The following PEX13 variants were observed in gnomAD, a reference collection of about 807,000 sequenced individuals.
PEX13 encodes peroxisomal biogenesis factor 13, also known as peroxisome biogenesis factor 13.
In PEX13, 28 loss-of-function variants were observed where a neutral mutation model predicts 34.5. The observed-to-expected ratio is 0.81, with a 90% CI of 0.60 to 1.11. PEX13 has a LOEUF of 1.11. Ranked by LOEUF, PEX13 falls within the 50% of genes most tolerant of loss-of-function variation. The pLI is 0.00. For synonymous variants in PEX13, 177 were observed against 175.1 expected, an observed-to-expected ratio of 1.01 and a Z score of -0.09; for missense variants, 550 against 491.0, an observed-to-expected ratio of 1.12 and a Z score of -1.13.
In PEX13 at chr2:61,017,808, A is replaced by G; in HGVS notation, c.49A>G (p.Ile17Val). ...PPPKPWETRR[I>V]PGAGPGPGPG... ...CCCCAAACCCTGGGAGACCCGCCGAATTCCGGGAGCCGGACCGGGACCAGG... is the reference window on the plus strand; with the variant it reads ...CCCCAAACCCTGGGAGACCCGCCGAGTTCCGGGAGCCGGACCGGGACCAGG... The change falls in exon 1 of 4, where the codon ATT becomes GTT. Residue 17 changes from isoleucine (I) to valine (V), a missense_variant. Physicochemically the swap from Ile to Val is conservative, Grantham distance 29. Transcript: ENST00000295030. The G allele has an allele frequency of 6.4e-7, 1 of 1,550,594 alleles. No individual in the cohort carries two copies. The highest frequency in any genetic ancestry group is 1.2e-5 in the South Asian group (1 of 84,014).
chr2:61,021,833 G>T (rs1680269740), intron 1 of PEX13, among the ~76,000 whole-genome samples: 1 of 152,194 alleles, frequency 6.6e-6, no homozygotes, highest in Non-Finnish European at 1.5e-5. Flanking sequence ...GGAAGGATCA[G>T]GCAGCAATAT....
At position 61,031,729 on chromosome 2, in the gene PEX13, A is replaced by T. The variant is rs1357787046; in HGVS notation, c.403A>T (p.Ser135Cys). 2 of 1,614,096 alleles carry T rather than the reference A, an allele frequency of 1.2e-6. No homozygotes were observed. The highest frequency in any genetic ancestry group is 2.7e-5 in the African/African-American group (2 of 74,926). The change falls in exon 2 of 4, where the codon AGT becomes TGT. Residue 135 changes from serine to cysteine, a missense_variant. Transcript: ENST00000295030. Reference protein sequence around the residue: ...SSRGAFQSIESIVHAFASVSM... With the variant: ...SSRGAFQSIECIVHAFASVSM... ...CAGGGGTGCATTTCAGTCCATTGAA[A>T]GTATTGTGCATGCATTTGCCTCTGT... is the stretch of plus-strand genomic sequence containing the variant.
intron 1 of PEX13, among the ~76,000 whole-genome samples, chr2:61,020,060 A>G (rs983821130): frequency 6.6e-6 from 1 of 152,166 alleles, no homozygotes; most frequent in Non-Finnish European, 1.5e-5. Context: ...CGTCTCTACT[A>G]AAAATACAAA....
intron 2 of PEX13, among the ~76,000 whole-genome samples, chr2:61,044,773 C>A (rs778144792): frequency 2.0e-5 from 3 of 152,192 alleles, no homozygotes; most frequent in Non-Finnish European, 4.4e-5. Flanking sequence ...TTGACAACAC[C>A]TAATACAGTT....
In PEX13 at chr2:61,051,394, C is replaced by G. The variant is rs1170129333; in HGVS notation, c.*2624C>G. On this transcript the variant is annotated 3_prime_UTR_variant, in exon 4 of 4. Transcript: ENST00000295030. ...TTAAAGATGTATAGGGAGAAGAGTACAGCACAAAGTGATAAAATAGTGACA... is the reference window on the plus strand; with the variant it reads ...TTAAAGATGTATAGGGAGAAGAGTAGAGCACAAAGTGATAAAATAGTGACA... 6.6e-6 allele frequency: 1 copy of G among 152,278 alleles called. No homozygotes were observed. The highest frequency in any genetic ancestry group is 2.4e-5 in the African/African-American group (1 of 41,438). The allele number at this position is 152,278 out of a possible 1,614,324, so 9.4% of individuals were successfully genotyped here.
At chr2:61,047,688 A>G (rs1373421687) in intron 3 of PEX13, among the ~76,000 whole-genome samples, 1 of 152,196 alleles carries the variant, frequency 6.6e-6, no homozygotes, top group East Asian at 1.9e-4. Context: ...TGCTCAAGAA[A>G]AGTATGTTTG....
chr2:61,035,426 C>T (rs895207287), intron 2 of PEX13, among the ~76,000 whole-genome samples: 4 of 152,148 alleles, frequency 2.6e-5, no homozygotes, highest in Admixed American at 2.6e-4. Context: ...TCCAAAGGAT[C>T]GCAGCTGCTC....
At chr2:61,034,320 C>G (rs1275074990) in intron 2 of PEX13, among the ~76,000 whole-genome samples, 1 of 152,134 alleles carries the variant, frequency 6.6e-6, no homozygotes, top group Non-Finnish European at 1.5e-5. Context: ...AAAAGAATAC[C>G]TTTTTGCGGG....
chr2:61,021,423 C>T (rs1469804231), intron 1 of PEX13, among the ~76,000 whole-genome samples: 1 of 152,186 alleles, frequency 6.6e-6, no homozygotes, highest in Non-Finnish European at 1.5e-5. Context: ...AGTGCTAGCA[C>T]AGCAGTCTGA....
rs748038698 is a variant in PEX13 at position 61,048,592 on chromosome 2, C to A, written c.1034C>A (p.Ser345Ter). The A allele has an allele frequency of 1.9e-6, 3 of 1,614,100 alleles. No homozygotes were observed. The South Asian group carries it at 3.3e-5, about 18-fold the overall frequency. Residue 345 changes from serine to a stop codon, truncating the protein, a stop_gained, in exon 4 of 4, where the codon TCA becomes TAA. Transcript: ENST00000295030. LOFTEE classifies it high-confidence loss of function. Reference protein sequence around the residue: ...GKRKGRKTVESSKVSKQQQSF... With the variant: ...GKRKGRKTVE ...AGAAAAGGTAGGAAAACGGTGGAATCAAGTAAAGTTTCCAAGCAGCAACAA... is the reference window on the plus strand; with the variant it reads ...AGAAAAGGTAGGAAAACGGTGGAATAAAGTAAAGTTTCCAAGCAGCAACAA...
chr2:61,025,000 TA>T (rs1680328010), intron 1 of PEX13, among the ~76,000 whole-genome samples: 1 of 152,214 alleles, frequency 6.6e-6, no homozygotes, highest in Non-Finnish European at 1.5e-5. Context: ...TTCTGCCTAA[TA>T]AGTCTATAAT....
At chr2:61,036,735 A>G (rs892482064) in intron 2 of PEX13, among the ~76,000 whole-genome samples, 2 of 152,228 alleles carry the variant, frequency 1.3e-5, no homozygotes, top group African/African-American at 4.8e-5. Flanking sequence ...CAAAATAACC[A>G]GTTAACATCA....
rs150248063 is a variant in PEX13 at position 61,021,042 on chromosome 2, C to A, written c.92+3191C>A. On this transcript the variant is annotated intron_variant, in intron 1 of 3. Coordinates refer to ENST00000295030, the MANE Select transcript of PEX13 (RefSeq NM_002618.4). ...CTGTTGAGACCATTGTATGTATTTT[C>A]GCTTTAGTATGAAAATGTGGGAATA... Among the ~76,000 whole-genome samples, 73 of 152,198 alleles carry A rather than the reference C, an allele frequency of 4.8e-4. 1 individual carries two copies. The highest frequency in any genetic ancestry group is 2.4e-4 in the Non-Finnish European group (16 of 68,000).
intron 3 of PEX13, 87 bp downstream of exon 3, chr2:61,045,938 C>T: frequency 8.9e-7 from 1 of 1,128,770 alleles, no homozygotes; most frequent in Non-Finnish European, 1.3e-6. Flanking sequence ...GGATCTTGTT[C>T]ATTGTTAGTT....
chr2:61,048,559 T>C lies in PEX13; in HGVS notation c.1001T>C (p.Leu334Pro). Reference sequence around the variant, plus strand: ...ATACCTGCGAATTATGTCAAAATTCTTGGCAAAAGAAAAGGTAGGAAAACG... The same window carrying C: ...ATACCTGCGAATTATGTCAAAATTCCTGGCAAAAGAAAAGGTAGGAAAACG... ...GLIPANYVKILGKRKGRKTVE... is the reference protein window; with the variant it reads ...GLIPANYVKIPGKRKGRKTVE... The change falls in exon 4 of 4, where the codon CTT becomes CCT. Residue 334 changes from leucine to proline, a missense_variant. Coordinates refer to ENST00000295030, the MANE Select transcript of PEX13 (RefSeq NM_002618.4). 6.2e-7 allele frequency: 1 copy of C among 1,614,152 alleles called. No homozygotes were observed. The highest frequency in any genetic ancestry group is 1.1e-5 in the South Asian group (1 of 91,080).
At position 61,048,710 on chromosome 2, in the gene PEX13, T is replaced by C. The variant is rs777753655; in HGVS notation, c.1152T>C (p.Thr384=). 1.2e-6 allele frequency: 2 copies of C among 1,613,892 alleles called. No homozygotes were observed. Residue 384 remains threonine, a synonymous_variant, in exon 4 of 4, where the codon ACT becomes ACC. Transcript: ENST00000295030. Reference sequence around the variant, plus strand: ...CCTTTGAATCTGTTTTTGTTGAAACTAATAAGGTTCCAGTTGCACCTGATT... The same window carrying C: ...CCTTTGAATCTGTTTTTGTTGAAACCAATAAGGTTCCAGTTGCACCTGATT... ...EAAFESVFVE[T]NKVPVAPDSI... is the part of the protein sequence containing the mutation.
chr2:61,043,351 A>AT (rs1680657247), intron 2 of PEX13, among the ~76,000 whole-genome samples: 1 of 151,578 alleles, frequency 6.6e-6, no homozygotes, highest in African/African-American at 2.4e-5. Flanking sequence ...AAAAAAAAAA[A>AT]ACAAATTTTC....
In PEX13 at chr2:61,048,648, G is replaced by T. The variant is rs550344775; in HGVS notation, c.1090G>T (p.Ala364Ser). The T allele has an allele frequency of 8.9e-5, 144 of 1,614,056 alleles. 3 individuals are homozygous for T. In the South Asian group the frequency reaches 1.4e-3, roughly 16 times the overall value. ...TACCAACCCAACACTAACTAAAGGA[G>T]CCACGGTTGCTGATTCTTTGGATGA... is the stretch of plus-strand genomic sequence containing the variant. The part of the protein sequence containing the change: ...SFTNPTLTKG[A>S]TVADSLDEQE... Residue 364 changes from alanine to serine, a missense_variant, in exon 4 of 4, where the codon GCC becomes TCC. Coordinates refer to ENST00000295030, the MANE Select transcript of PEX13 (RefSeq NM_002618.4).
At chr2:61,032,324 A>G (rs1680466295) in intron 2 of PEX13, among the ~76,000 whole-genome samples, 1 of 152,232 alleles carries the variant, frequency 6.6e-6, no homozygotes. Flanking sequence ...TTACCTGTTT[A>G]CAAGGTACTG....
Sources: allele counts gnomAD v4.1 joint callset (sites outside exome capture counted in the v4.1 genomes callset), GRCh38; gene constraint gnomAD v4.1.1; transcripts MANE v1.5; gene names NCBI Gene and HGNC (gene_info 2026-07-23, HGNC 2026-07-21).